Variants in KCNC2 observed in about 807,000 individuals in gnomAD.
KCNC2 encodes potassium voltage-gated channel subfamily C member 2, also known as voltage-gated potassium channel KCNC2.
A neutral mutation model predicts 44.5 loss-of-function variants in KCNC2; 21 were observed. The observed-to-expected ratio is 0.47, with a 90% confidence interval of 0.33 to 0.68. KCNC2 has a LOEUF of 0.68. KCNC2 is among the 30% of genes least tolerant of loss of function. The pLI, the probability that KCNC2 is intolerant of heterozygous loss-of-function variation, is 0.01. For synonymous variants in KCNC2, 391 were observed against 339.1 expected (o/e 1.15, Z -1.68); for missense variants, 589 against 826.2 (o/e 0.71, Z 3.52).
intron 2 of KCNC2, among the ~76,000 whole-genome samples, chr12:75,133,078 C>T (rs1027749882): frequency 3.2e-4 from 48 of 152,014 alleles, no homozygotes; most frequent in African/African-American, 1.2e-3. Context: ...TTTATCAACT[C>T]TATTATACCC....
At chr12:75,147,898 A>C (rs1890134163) in intron 2 of KCNC2, among the ~76,000 whole-genome samples, 1 of 152,188 alleles carries the variant, frequency 6.6e-6, no homozygotes, top group Non-Finnish European at 1.5e-5. Flanking sequence ...TTTGAAAGGC[A>C]ATGAGTAAAT....
chr12:75,125,688 G>A lies in KCNC2; in HGVS notation c.688-74371C>T, dbSNP rs192331628. Among the ~76,000 whole-genome samples, 6 of 152,288 alleles carry A rather than the reference G, an allele frequency of 3.9e-5. No homozygotes were observed. The East Asian group carries it at 1.2e-3, about 29-fold the overall frequency. On this transcript the variant is annotated intron_variant, in intron 2 of 4. Coordinates refer to ENST00000549446, the MANE Select transcript of KCNC2 (RefSeq NM_139137.4). ...AGCTAGCACTATTAGAATTTGTAGG[G>A]TCAGTCATGAGAAGAATTGTGAAGT...
At chr12:75,052,650 T>A (rs965926449) in intron 2 of KCNC2, among the ~76,000 whole-genome samples, 1 of 152,128 alleles carries the variant, frequency 6.6e-6, no homozygotes, top group African/African-American at 2.4e-5. Flanking sequence ...AATCCAAAGT[T>A]GCCCCTAATA....
intron 2 of KCNC2, among the ~76,000 whole-genome samples, chr12:75,072,084 T>G (rs567428675): frequency 6.6e-6 from 1 of 152,238 alleles, no homozygotes; most frequent in South Asian, 2.1e-4. Flanking sequence ...TAGAGTCAAT[T>G]TGATATATGT....
At chr12:75,060,649 T>A (rs1198508505) in intron 2 of KCNC2, among the ~76,000 whole-genome samples, 6 of 151,668 alleles carry the variant, frequency 4.0e-5, no homozygotes, top group Admixed American at 6.6e-5. Context: ...TATTTTTTTT[T>A]AAATAGAGAT....
At chr12:75,137,094 T>A (rs1889286200) in intron 2 of KCNC2, among the ~76,000 whole-genome samples, 1 of 152,288 alleles carries the variant, frequency 6.6e-6, no homozygotes. Context: ...GACCATCTCT[T>A]GCAAAATCTA....
chr12:75,198,647 A>G (rs528910462), intron 2 of KCNC2, among the ~76,000 whole-genome samples: 9 of 151,980 alleles, frequency 5.9e-5, no homozygotes, highest in African/African-American at 1.9e-4. Flanking sequence ...TGTTACTGCA[A>G]TGATTATTAT....
At chr12:75,201,311 T>C in intron 2 of KCNC2, among the ~76,000 whole-genome samples, 1 of 141,228 alleles carries the variant, frequency 7.1e-6, no homozygotes, top group South Asian at 2.3e-4. Context: ...AGATTCTGGT[T>C]TACTTTATTA....
intron 2 of KCNC2, among the ~76,000 whole-genome samples, chr12:75,185,454 T>C (rs1296423625): frequency 7.9e-5 from 12 of 152,124 alleles, no homozygotes; most frequent in Admixed American, 7.9e-4. Context: ...ATGCTATTAT[T>C]GCAGGAGCAG....
intron 2 of KCNC2, among the ~76,000 whole-genome samples, chr12:75,074,702 A>T (rs547638047): frequency 6.6e-6 from 1 of 152,184 alleles, no homozygotes; most frequent in Non-Finnish European, 1.5e-5. Flanking sequence ...CATTTATTTC[A>T]TACATATTTA....
chr12:75,052,356 G>A (rs973388132), intron 2 of KCNC2, among the ~76,000 whole-genome samples: 4 of 151,988 alleles, frequency 2.6e-5, no homozygotes, highest in African/African-American at 9.7e-5. Flanking sequence ...ACTCTCAAAT[G>A]CAGAATACAA....
chr12:75,064,012 G>A (rs1425994130), intron 2 of KCNC2, among the ~76,000 whole-genome samples: 1 of 151,724 alleles, frequency 6.6e-6, no homozygotes, highest in African/African-American at 2.4e-5. Flanking sequence ...TCCCTTTGTT[G>A]GTGTTACAAA....
rs115709909 is a variant in KCNC2 at position 75,197,321 on chromosome 12, A to G, written c.687+9976T>C. 3.7e-3 allele frequency among the ~76,000 whole-genome samples: 568 copies of G among 151,946 alleles called. 1 individual carries two copies. The highest frequency in any genetic ancestry group is 0.013 in the African/African-American group (534 of 41,470). On this transcript the variant is annotated intron_variant, in intron 2 of 4. Transcript: ENST00000549446. ...TGTCTTTGCCATGTTTCATGCCTTC[A>G]GATCTTTTTATTATTCAATGTTACA... is the stretch of plus-strand genomic sequence containing the variant.
intron 2 of KCNC2, among the ~76,000 whole-genome samples, chr12:75,070,299 A>C (rs537745866): frequency 6.6e-6 from 1 of 152,004 alleles, no homozygotes; most frequent in Non-Finnish European, 1.5e-5. Context: ...AAAATACAAA[A>C]AATTAGCCAG....
rs186226183 is a variant in KCNC2 at position 75,042,143 on chromosome 12, A to G, written c.*962T>C. 222 of 1,250,278 alleles carry G rather than the reference A, an allele frequency of 1.8e-4. No homozygotes were observed. The African/African-American group carries it at 3.3e-3, about 19-fold the overall frequency. The allele number at this position is 1,250,278 out of a possible 1,614,324, so 77.4% of individuals were successfully genotyped here. ...AAAATAAAATAAGGGGGTAAAAAAA[A>G]GACACAAGAGCTTTGGGTGATATTT... On this transcript the variant is annotated 3_prime_UTR_variant, in exon 5 of 5. Coordinates refer to ENST00000549446, the MANE Select transcript of KCNC2 (RefSeq NM_139137.4).
intron 2 of KCNC2, among the ~76,000 whole-genome samples, chr12:75,104,343 A>G (rs1224033790): frequency 1.3e-5 from 2 of 152,204 alleles, no homozygotes; most frequent in African/African-American, 2.4e-5. Context: ...CATGTCACTC[A>G]GAACGGTACA....
intron 2 of KCNC2, among the ~76,000 whole-genome samples, chr12:75,180,140 A>C (rs926798930): frequency 6.6e-6 from 1 of 151,960 alleles, no homozygotes; most frequent in African/African-American, 2.4e-5. Flanking sequence ...AATGTTTTGT[A>C]TGTTAATAAT....
chr12:75,059,149 A>C (rs1882050160), intron 2 of KCNC2, among the ~76,000 whole-genome samples: 1 of 152,068 alleles, frequency 6.6e-6, no homozygotes, highest in African/African-American at 2.4e-5. Context: ...TGGTTATGAG[A>C]AACAAGGAAA....
intron 2 of KCNC2, among the ~76,000 whole-genome samples, chr12:75,057,932 C>T (rs935079256): frequency 1.3e-5 from 2 of 151,634 alleles, no homozygotes; most frequent in Non-Finnish European, 2.9e-5. Context: ...TTTGAGGACA[C>T]AGATTGATTT....
Sources: gnomAD v4.1 joint callset for allele counts (sites outside exome capture counted in the v4.1 genomes callset) on GRCh38, gnomAD v4.1.1 for gene constraint, MANE v1.5 for transcripts, NCBI Gene and HGNC (gene_info 2026-07-23, HGNC 2026-07-21) for gene names.